CAMKMT: variants seen among roughly 807,000 people sequenced by gnomAD.
CAMKMT encodes the protein CaM KMT.
Under a neutral mutation model 48.0 loss-of-function variants are expected in CAMKMT, and 53 were observed. The observed-to-expected ratio is 1.10, with a 90% confidence interval of 0.89 to 1.39. The LOEUF is 1.39. Ranked by LOEUF, CAMKMT falls within the 40% of genes most tolerant of loss-of-function variation. The pLI is 0.00. For synonymous variants in CAMKMT, 165 were observed against 152.3 expected (o/e 1.08, Z -0.61); for missense variants, 428 against 402.7 (o/e 1.06, Z -0.54).
intron 3 of CAMKMT, among the ~76,000 whole-genome samples, chr2:44,503,813 T>G (rs1670120717): frequency 6.6e-6 from 1 of 152,148 alleles, no homozygotes; most frequent in African/African-American, 2.4e-5. Flanking sequence ...TTCTGGAGGC[T>G]AGGAAATCTA....
At chr2:44,362,968 T>C (rs1360492724) in intron 1 of CAMKMT, among the ~76,000 whole-genome samples, 2 of 152,238 alleles carry the variant, frequency 1.3e-5, no homozygotes, top group Non-Finnish European at 2.9e-5. Flanking sequence ...CCGAAAACTT[T>C]ACTCAGGAGG....
In CAMKMT at chr2:44,370,598, G is replaced by T. The variant is rs574365628; in HGVS notation, c.139-2118G>T. On this transcript the variant is annotated intron_variant, in intron 1 of 10. Transcript: ENST00000378494. ...TTATCAATCTTTTCAAAGAAACAAC[G>T]TTTAGTATTATCGATCCTCTCTCCT... 9.3e-4 allele frequency among the ~76,000 whole-genome samples: 141 copies of T among 151,858 alleles called. 1 individual carries two copies. Among genetic ancestry groups the T allele is most frequent in the African/African-American group, 3.0e-3 (124 of 41,462 alleles).
chr2:44,766,405 G>T, intron 9 of CAMKMT, 25 bp from the exon 10 acceptor site: 2 of 1,613,078 alleles, frequency 1.2e-6, no homozygotes, highest in Non-Finnish European at 1.7e-6. Context: ...TTTAAAATAT[G>T]TGAATTTCCT....
intron 3 of CAMKMT, among the ~76,000 whole-genome samples, chr2:44,624,330 C>A (rs1238024535): frequency 3.3e-5 from 5 of 151,244 alleles, no homozygotes. Context: ...TTTTATTTGT[C>A]TTTTTTATTA....
chr2:44,601,585 G>A (rs6710623), intron 3 of CAMKMT, among the ~76,000 whole-genome samples: 3,543 of 152,100 alleles, frequency 0.023, 185 homozygotes, highest in African/African-American at 0.082. Flanking sequence ...TCTGGTAAGA[G>A]GAAAGCTATA....
chr2:44,393,915 C>G (rs757345426), intron 3 of CAMKMT, among the ~76,000 whole-genome samples: 3 of 152,202 alleles, frequency 2.0e-5, no homozygotes, highest in Non-Finnish European at 2.9e-5. Context: ...TTTCGTTCCA[C>G]TACTGAAAGG....
chr2:44,751,238 C>T (rs147696770), intron 8 of CAMKMT, among the ~76,000 whole-genome samples: 2 of 152,260 alleles, frequency 1.3e-5, no homozygotes, highest in African/African-American at 4.8e-5. Context: ...TGATGACCTC[C>T]GTCTTTTGCC....
At chr2:44,364,306 C>CT (rs888339571) in intron 1 of CAMKMT, among the ~76,000 whole-genome samples, 5 of 152,118 alleles carry the variant, frequency 3.3e-5, no homozygotes, top group Non-Finnish European at 5.9e-5. Flanking sequence ...TGCTTATAGT[C>CT]TTTTTATCTT....
chr2:44,362,235 G>A, intron 1 of CAMKMT, 90 bp downstream of exon 1: 2 of 1,184,638 alleles, frequency 1.7e-6, no homozygotes, highest in Non-Finnish European at 2.2e-6. Flanking sequence ...CTTTCCTCTT[G>A]GCAGCTCTGG....
At chr2:44,546,724 A>C (rs1667430799) in intron 3 of CAMKMT, among the ~76,000 whole-genome samples, 1 of 152,220 alleles carries the variant, frequency 6.6e-6, no homozygotes, top group Non-Finnish European at 1.5e-5. Flanking sequence ...AGTAGGGGTC[A>C]GGCATGAAAT....
chr2:44,683,176 G>T (rs1009362565), intron 3 of CAMKMT, among the ~76,000 whole-genome samples: 2 of 151,486 alleles, frequency 1.3e-5, no homozygotes, highest in Non-Finnish European at 2.9e-5. Flanking sequence ...TGGAAAGGAG[G>T]CAGGGTTTCT....
chr2:44,766,898 T>G (rs887262942), intron 10 of CAMKMT, among the ~76,000 whole-genome samples: 2 of 152,232 alleles, frequency 1.3e-5, no homozygotes, highest in African/African-American at 4.8e-5. Flanking sequence ...AGCTTTTAAG[T>G]AGGTTAAATG....
intron 3 of CAMKMT, among the ~76,000 whole-genome samples, chr2:44,508,605 C>T (rs1024568510): frequency 2.6e-4 from 40 of 152,154 alleles, no homozygotes; most frequent in African/African-American, 9.6e-4. Flanking sequence ...CAAAGGAATA[C>T]GTATGTGTAT....
At chr2:44,692,266 A>T (rs1676698829) in intron 3 of CAMKMT, among the ~76,000 whole-genome samples, 1 of 152,136 alleles carries the variant, frequency 6.6e-6, no homozygotes, top group Non-Finnish European at 1.5e-5. Flanking sequence ...AGTAAAAAAA[A>T]AAAATTACTC....
At chr2:44,670,458 C>T (rs886716052) in intron 3 of CAMKMT, among the ~76,000 whole-genome samples, 2 of 151,848 alleles carry the variant, frequency 1.3e-5, no homozygotes, top group Non-Finnish European at 2.9e-5. Context: ...GCACTCCAGA[C>T]TGGGCAGCAG....
At chr2:44,597,620 A>C (rs1670738066) in intron 3 of CAMKMT, among the ~76,000 whole-genome samples, 1 of 152,216 alleles carries the variant, frequency 6.6e-6, no homozygotes, top group African/African-American at 2.4e-5. Flanking sequence ...AAATAATGTT[A>C]CAAGTGTGTT....
intron 3 of CAMKMT, among the ~76,000 whole-genome samples, chr2:44,415,291 T>G (rs981575225): frequency 1.3e-5 from 2 of 152,266 alleles, no homozygotes; most frequent in Non-Finnish European, 2.9e-5. Flanking sequence ...GGAAGAGTAC[T>G]TAAAGAAAAT....
intron 3 of CAMKMT, among the ~76,000 whole-genome samples, chr2:44,539,475 T>G (rs1226994243): frequency 1.3e-5 from 2 of 152,164 alleles, no homozygotes; most frequent in African/African-American, 4.8e-5. Flanking sequence ...CACAGTACAA[T>G]TATCAAAATC....
chr2:44,617,079 C>T (rs758841256), intron 3 of CAMKMT, among the ~76,000 whole-genome samples: 42 of 152,076 alleles, frequency 2.8e-4, no homozygotes, highest in Non-Finnish European at 5.7e-4. Flanking sequence ...AAAATTAGTG[C>T]CTTACAAAAT....
Sources: allele counts gnomAD v4.1 joint callset (sites outside exome capture counted in the v4.1 genomes callset), GRCh38; gene constraint gnomAD v4.1.1; transcripts MANE v1.5; gene names NCBI Gene and HGNC (gene_info 2026-07-23, HGNC 2026-07-21).